Variants in ANK3 observed in about 807,000 individuals in gnomAD.
ANK3 encodes the protein ankyrin 3, also known as ankyrin-3.
ANK3 carries 57 observed loss-of-function variants against 370.9 expected under a neutral mutation model. That is an observed-to-expected ratio of 0.15 (90% CI 0.12 to 0.19). The LOEUF is 0.19. ANK3 is among the 10% of genes least tolerant of loss of function. The pLI, the probability that ANK3 is intolerant of heterozygous loss-of-function variation, is 1.00. For synonymous variants in ANK3, 1,929 were observed against 1,946.3 expected (o/e 0.99, Z 0.23); for missense variants, 4,439 against 5,302.1 (o/e 0.84, Z 5.06).
chr10:60,267,766 G>GA (rs1199504829), intron 5 of ANK3, among the ~76,000 whole-genome samples: 5 of 152,080 alleles, frequency 3.3e-5, no homozygotes, highest in African/African-American at 1.2e-4. Flanking sequence ...ATCACAGTGT[G>GA]AAAAAAGAGT....
intron 1 of ANK3, among the ~76,000 whole-genome samples, chr10:60,334,932 C>T (rs2132952607): frequency 6.6e-6 from 1 of 152,166 alleles, no homozygotes; most frequent in East Asian, 1.9e-4. Context: ...GAGTCTATCA[C>T]TTTCATCAGG....
chr10:60,046,235 A>G (rs2076939054), intron 42 of ANK3, among the ~76,000 whole-genome samples: 1 of 152,240 alleles, frequency 6.6e-6, no homozygotes, highest in Admixed American at 6.5e-5. Flanking sequence ...ATGTTTGGAG[A>G]AAACCCAAAA....
At chr10:60,678,316 A>G (rs56686482) in intron 1 of ANK3, among the ~76,000 whole-genome samples, 1,784 of 152,328 alleles carry the variant, frequency 0.012, 33 homozygotes, top group African/African-American at 0.04. Context: ...TGGCTTTAAC[A>G]TAGGAAAAAG....
intron 2 of ANK3, among the ~76,000 whole-genome samples, chr10:60,471,072 CAT>C (rs2065206793): frequency 6.6e-6 from 1 of 152,266 alleles, no homozygotes; most frequent in East Asian, 1.9e-4. Flanking sequence ...AGCCTTTTGA[CAT>C]GTGTTGTCTC....
At chr10:60,535,564 G>T (rs2076705378) in intron 2 of ANK3, among the ~76,000 whole-genome samples, 1 of 151,944 alleles carries the variant, frequency 6.6e-6, no homozygotes, top group Non-Finnish European at 1.5e-5. Flanking sequence ...ACAAGACTTA[G>T]CAATAAAGAG....
At position 60,072,911 on chromosome 10, in the gene ANK3, T is replaced by C. The variant is rs767346326; in HGVS notation, c.7970A>G (p.Gln2657Arg). 1 of 1,614,076 alleles carries C rather than the reference T, an allele frequency of 6.2e-7. No individual in the cohort carries two copies. The highest frequency in any genetic ancestry group is 8.5e-7 in the Non-Finnish European group (1 of 1,180,006). Residue 2657 changes from glutamine to arginine, a missense_variant, in exon 37 of 44, where the codon CAA (glutamine) becomes CGA (arginine). Physicochemically the swap from Gln to Arg is conservative, Grantham distance 43. Coordinates refer to ENST00000280772, the MANE Select transcript of ANK3 (RefSeq NM_020987.5). Reference protein sequence around the residue: ...VKARQHGPDGQGFPKAEEKAP... With the variant: ...VKARQHGPDGRGFPKAEEKAP... The stretch of plus-strand genomic sequence containing the variant: ...CTTCTCCTCGGCCTTGGGGAAGCCT[T>C]GTCCATCAGGGCCATGCTGTCTTGC...
At chr10:60,352,885 T>G (rs2057110171) in intron 1 of ANK3, among the ~76,000 whole-genome samples, 1 of 152,104 alleles carries the variant, frequency 6.6e-6, no homozygotes, top group African/African-American at 2.4e-5. Context: ...TAAATGGAAC[T>G]AGACTCTCTT....
rs148641054 is a variant in ANK3, at chr10:60,487,702, T to A, written c.96+127484A>T. 4.2e-3 allele frequency among the ~76,000 whole-genome samples: 622 copies of A among 148,710 alleles called. 3 individuals are homozygous for A. Among genetic ancestry groups the A allele is most frequent in the African/African-American group, 0.014 (570 of 40,240 alleles). On this transcript the variant is annotated intron_variant, in intron 2 of 43. Coordinates refer to the ANK3 transcript ENST00000373827. Reference sequence around the variant, plus strand: ...TCTAATATTAATAAATTCCCCCAGATAATTCTGATGATGTTGCATTTTTTT... The same window carrying A: ...TCTAATATTAATAAATTCCCCCAGAAAATTCTGATGATGTTGCATTTTTTT...
intron 1 of ANK3, among the ~76,000 whole-genome samples, chr10:60,376,092 A>G (rs965392209): frequency 6.6e-6 from 1 of 152,132 alleles, no homozygotes; most frequent in African/African-American, 2.4e-5. Context: ...CTCCACAGAG[A>G]AGTAGTAGTA....
chr10:60,412,955 C>T (rs2063589482), intron 2 of ANK3, among the ~76,000 whole-genome samples: 2 of 152,148 alleles, frequency 1.3e-5, no homozygotes, highest in South Asian at 4.1e-4. Context: ...TCAATAAATA[C>T]TTGAAAGAGT....
chr10:60,433,458 G>T (rs925493187), intron 2 of ANK3, among the ~76,000 whole-genome samples: 11 of 152,030 alleles, frequency 7.2e-5, no homozygotes, highest in Admixed American at 1.3e-4. Context: ...CAGGTGTAGT[G>T]GTGCACAACT....
At chr10:60,149,963 C>A (rs2095028899) in intron 23 of ANK3, among the ~76,000 whole-genome samples, 1 of 152,202 alleles carries the variant, frequency 6.6e-6, no homozygotes, top group African/African-American at 2.4e-5. Context: ...TCCGCCTCAC[C>A]CTCCCAAAGT....
intron 1 of ANK3, among the ~76,000 whole-genome samples, chr10:60,379,102 T>C (rs1034376576): frequency 6.6e-6 from 1 of 151,916 alleles, no homozygotes; most frequent in Non-Finnish European, 1.5e-5. Flanking sequence ...ATATGAAAAA[T>C]GCTAAACATC....
intron 2 of ANK3, among the ~76,000 whole-genome samples, chr10:60,406,188 T>C (rs575174266): frequency 6.6e-6 from 1 of 152,170 alleles, no homozygotes; most frequent in African/African-American, 2.4e-5. Flanking sequence ...ACCACAACAA[T>C]TGAACTCTGC....
In ANK3 at chr10:60,439,455, C is replaced by T. The variant is rs567685155; in HGVS notation, c.97-159816G>A. Among the ~76,000 whole-genome samples the T allele has an allele frequency of 8.6e-5, 13 of 151,910 alleles. No individual in the cohort carries two copies. The East Asian group carries it at 1.7e-3, about 20-fold the overall frequency. ...GGAGGATCGCTTGAGGCCAGGAGTT[C>T]GAGACCTGCCAGGGCAACAACACAG... On this transcript the variant is annotated intron_variant, in intron 2 of 43. Transcript: ENST00000373827.
chr10:60,178,742 CTAAT>C (rs1460176858), intron 18 of ANK3, among the ~76,000 whole-genome samples: 1 of 152,186 alleles, frequency 6.6e-6, no homozygotes, highest in Admixed American at 6.5e-5. Flanking sequence ...CTCCTGATCC[CTAAT>C]TAGTGTCCTC....
At chr10:60,642,443 T>C (rs1306615989) in intron 1 of ANK3, among the ~76,000 whole-genome samples, 4 of 152,182 alleles carry the variant, frequency 2.6e-5, no homozygotes, top group African/African-American at 9.7e-5. Flanking sequence ...CATGGAATAC[T>C]ATGCAGCTAT....
intron 2 of ANK3, among the ~76,000 whole-genome samples, chr10:60,534,958 G>A (rs2076689991): frequency 6.6e-6 from 1 of 152,238 alleles, no homozygotes; most frequent in Admixed American, 6.5e-5. Context: ...AGCCTCCACT[G>A]TTAAACCTTC....
chr10:60,222,696 A>G (rs2097081595), intron 8 of ANK3, among the ~76,000 whole-genome samples: 1 of 152,118 alleles, frequency 6.6e-6, no homozygotes, highest in South Asian at 2.1e-4. Flanking sequence ...ACTTGGTCCA[A>G]CTTGGCCTTT....
Sources: allele counts gnomAD v4.1 joint callset (sites outside exome capture counted in the v4.1 genomes callset), GRCh38; gene constraint gnomAD v4.1.1; transcripts MANE v1.5; gene names NCBI Gene and HGNC (gene_info 2026-07-23, HGNC 2026-07-21).